Variants in NFRKB observed in about 807,000 individuals in gnomAD.
NFRKB encodes nuclear factor related to kappaB binding protein.
A neutral mutation model predicts 135.7 loss-of-function variants in NFRKB; 62 were observed. The ratio of observed to expected loss-of-function variants is 0.46; its 90% CI spans 0.37 to 0.56. The LOEUF (loss-of-function observed/expected upper bound fraction) is 0.56. NFRKB is among the 20% of genes least tolerant of loss of function. The pLI is 0.00. For missense variants in NFRKB, 1,545 were observed against 1,662.0 expected (o/e 0.93, Z 1.22); for synonymous variants, 678 against 635.6 (o/e 1.07, Z -1.00).
At chr11:129,892,650 G>A (rs546870301) in intron 3 of NFRKB, 65 bp downstream of exon 3, 80 of 1,545,290 alleles carry the variant, frequency 5.2e-5, no homozygotes, top group Non-Finnish European at 6.9e-5. Context: ...AGTGGAAAAG[G>A]TTTCCCACAG....
Position 129,873,044 on chromosome 11 carries a change from T to C in NFRKB, c.2603A>G (p.Gln868Arg). 6.2e-7 allele frequency: 1 copy of C among 1,613,846 alleles called. No homozygotes were observed. Among genetic ancestry groups the C allele is most frequent in the East Asian group, 2.2e-5 (1 of 44,880 alleles). ...VKAQTTAATVQRPGPGQTGLT... is the reference protein window; with the variant it reads ...VKAQTTAATVRRPGPGQTGLT... The stretch of plus-strand genomic sequence containing the variant: ...CCCTGTCTGCCCGGGTCCAGGCCGC[T>C]GCACAGTGGCTGCCGTAGTCTGCGC... Residue 868 changes from glutamine (Q) to arginine (R), a missense_variant, in exon 23 of 27, where the codon CAG (glutamine) becomes CGG (arginine). Coordinates refer to ENST00000682444, the MANE Select transcript of NFRKB (RefSeq NM_001143835.2).
intron 7 of NFRKB, 134 bp downstream of exon 7, chr11:129,884,611 A>T: frequency 9.7e-7 from 1 of 1,033,546 alleles, no homozygotes; most frequent in Non-Finnish European, 1.4e-6. Context: ...ACTTTGCCAA[A>T]CAAATCACCT....
intron 13 of NFRKB, among the ~76,000 whole-genome samples, chr11:129,880,635 C>T (rs554505552): frequency 1.9e-3 from 289 of 152,276 alleles, no homozygotes; most frequent in African/African-American, 6.2e-3. Flanking sequence ...CATAAACCCC[C>T]ATCCTCTCTG....
intron 7 of NFRKB, 71 bp from the exon 8 acceptor site, chr11:129,884,214 AG>A: frequency 2.7e-6 from 4 of 1,491,700 alleles, no homozygotes; most frequent in Non-Finnish European, 2.8e-6. Flanking sequence ...CACTTTCAAA[AG>A]TAAGATATTT....
At chr11:129,883,507 T>C (rs1949127083) in intron 8 of NFRKB, among the ~76,000 whole-genome samples, 1 of 152,224 alleles carries the variant, frequency 6.6e-6, no homozygotes, top group South Asian at 2.1e-4. Context: ...TACTATGTTT[T>C]ACAGAGTCTG....
chr11:129,881,554 G>A, intron 12 of NFRKB, 46 bp from the exon 13 acceptor site: 3 of 1,611,076 alleles, frequency 1.9e-6, no homozygotes, highest in East Asian at 2.2e-5. Context: ...GTGCGTCCCT[G>A]AGCTCCGAAA....
intron 15 of NFRKB, among the ~76,000 whole-genome samples, chr11:129,877,776 T>G (rs1190051934): frequency 6.6e-6 from 1 of 152,110 alleles, no homozygotes; most frequent in Non-Finnish European, 1.5e-5. Flanking sequence ...GGGCTTGAGA[T>G]CTACACCTCT....
At chr11:129,881,419 G>C in intron 13 of NFRKB, 24 bp downstream of exon 13, 1 of 1,610,268 alleles carries the variant, frequency 6.2e-7, no homozygotes, top group Non-Finnish European at 8.5e-7. Flanking sequence ...AAACCTGTTG[G>C]GGTAGGTAAT....
At chr11:129,877,699 T>C (rs562827783) in intron 15 of NFRKB, among the ~76,000 whole-genome samples, 1 of 152,168 alleles carries the variant, frequency 6.6e-6, no homozygotes, top group East Asian at 1.9e-4. Context: ...AATTCGGCCT[T>C]AGAGGAACAA....
chr11:129,865,165 G>A, intron 25 of NFRKB, 64 bp from the exon 26 acceptor site: 2 of 1,566,416 alleles, frequency 1.3e-6, no homozygotes, highest in East Asian at 2.3e-5. Context: ...CCCAGATTTA[G>A]GCCATGTATT....
Position 129,881,780 on chromosome 11 carries a change from T to G in NFRKB, c.1265A>C (p.Asn422Thr), listed in dbSNP as rs757532262. The G allele has an allele frequency of 6.2e-7, 1 of 1,614,030 alleles. No individual in the cohort carries two copies. Among genetic ancestry groups the G allele is most frequent in the East Asian group, 2.2e-5 (1 of 44,888 alleles). The change falls in exon 12 of 27, where the codon AAC becomes ACC. Residue 422 changes from asparagine to threonine, a missense_variant. This residue lies in a region of NFRKB where 678 missense variants were observed against 646.7 expected (regional missense o/e 1.05). Transcript: ENST00000682444. ...GGCTGGTAGTACCAACTCAGCCCAG[T>G]TGGGGGCCGCAGAGAACCAGCTGTT... ...SLNSWFSAAPNWAELVLPALQ... is the reference protein window; with the variant it reads ...SLNSWFSAAPTWAELVLPALQ...
intron 24 of NFRKB, among the ~76,000 whole-genome samples, chr11:129,869,251 T>C (rs1442675492): frequency 6.6e-6 from 1 of 152,212 alleles, no homozygotes; most frequent in African/African-American, 2.4e-5. Flanking sequence ...GTATCATACT[T>C]TGATAAATTG....
chr11:129,891,308 C>T (rs1271373190), intron 3 of NFRKB, among the ~76,000 whole-genome samples: 1 of 152,158 alleles, frequency 6.6e-6, no homozygotes, highest in African/African-American at 2.4e-5. Context: ...CTAAAATAAG[C>T]CCTGGCAGCA....
At chr11:129,885,748 T>C in intron 5 of NFRKB, 139 bp from the exon 6 acceptor site, 4 of 725,022 alleles carry the variant, frequency 5.5e-6, no homozygotes, top group South Asian at 2.4e-5. Context: ...AAGATGCACA[T>C]ATATATTAAT....
chr11:129,874,992 A>T lies in NFRKB; in HGVS notation c.1855-76T>A. The T allele has an allele frequency of 6.4e-7, 1 of 1,567,868 alleles. No homozygotes were observed. Among genetic ancestry groups the T allele is most frequent in the South Asian group, 1.1e-5 (1 of 89,266 alleles). On this transcript the variant is annotated intron_variant, in intron 18 of 26. Transcript: ENST00000682444. This position sits in a 1 kb window ranked among gnomAD's most constrained non-coding sequence, Gnocchi z 4.5. ...AAGTTATTTGAACTCTAGGAAAAAA[A>T]TGTCATTGTATCTAAATCACAGCTG... is the stretch of plus-strand genomic sequence containing the variant.
chr11:129,885,423 G>A lies in NFRKB; in HGVS notation c.640+12C>T, dbSNP rs774423602. 7 of 1,592,694 alleles carry A rather than the reference G, an allele frequency of 4.4e-6. No homozygotes were observed. Among genetic ancestry groups the A allele is most frequent in the East Asian group, 2.3e-5 (1 of 44,314 alleles). On this transcript the variant is annotated intron_variant, in intron 6 of 26. Transcript: ENST00000682444. ...AATACCCCAGCTACCCCAAGTGCCC[G>A]AGGACACTCACCCTCTTCATCAGAT...
chr11:129,865,941 T>G lies in NFRKB; in HGVS notation c.3574A>C (p.Ser1192Arg). 6.2e-7 allele frequency: 1 copy of G among 1,613,648 alleles called. No individual in the cohort carries two copies. The highest frequency in any genetic ancestry group is 8.5e-7 in the Non-Finnish European group (1 of 1,179,902). The change falls in exon 25 of 27, where the codon AGC becomes CGC. Residue 1192 changes from serine (S) to arginine (R), a missense_variant. Ser to Arg is a moderately radical substitution (Grantham distance 110). Transcript: ENST00000682444. ...ACGCTCTTGCCCTTCATTGGCTGGCTGATCACAGAGAGGGGAACTGTGATC... is the reference window on the plus strand; with the variant it reads ...ACGCTCTTGCCCTTCATTGGCTGGCGGATCACAGAGAGGGGAACTGTGATC... ...TRITVPLSVISQPMKGKSVVT... is the reference protein window; with the variant it reads ...TRITVPLSVIRQPMKGKSVVT...
chr11:129,882,177 T>C lies in NFRKB; in HGVS notation c.1100A>G (p.Lys367Arg). 6.2e-7 allele frequency: 1 copy of C among 1,612,006 alleles called. No homozygotes were observed. The highest frequency in any genetic ancestry group is 1.1e-5 in the South Asian group (1 of 90,598). The change falls in exon 11 of 27, where the codon AAG (lysine) becomes AGG (arginine). Residue 367 changes from lysine (K) to arginine (R), a missense_variant. By Grantham distance (26) the Lys-to-Arg change is conservative (BLOSUM62 2). This residue lies in a region of NFRKB where 678 missense variants were observed against 646.7 expected (regional missense o/e 1.05). Coordinates refer to ENST00000682444, the MANE Select transcript of NFRKB (RefSeq NM_001143835.2). ...AIKEEPLEDLKPCLGINEISS... is the reference protein window; with the variant it reads ...AIKEEPLEDLRPCLGINEISS... ...TATTTCATTGATTCCAAGGCAAGGC[T>C]TGAGGTCTTCAAGGGGCCTAATGAG... is the stretch of plus-strand genomic sequence containing the variant.
chr11:129,884,464 G>A (rs1156502002), intron 7 of NFRKB, among the ~76,000 whole-genome samples: 2 of 152,146 alleles, frequency 1.3e-5, no homozygotes, highest in East Asian at 1.9e-4. Context: ...TCCGCTTACC[G>A]CACTGCCCCT....
Sources: allele counts gnomAD v4.1 joint callset (sites outside exome capture counted in the v4.1 genomes callset), GRCh38; gene constraint gnomAD v4.1.1; regional missense constraint gnomAD v4.1.1; non-coding constraint Gnocchi (gnomAD v3.1); transcripts MANE v1.5; gene names NCBI Gene and HGNC (gene_info 2026-07-23, HGNC 2026-07-21).